The following KCNAB1 variants were observed in gnomAD, a reference collection of about 807,000 sequenced individuals.
KCNAB1 encodes potassium voltage-gated channel subfamily A regulatory beta subunit 1, also known as voltage-gated potassium channel subunit beta-1.
KCNAB1 carries 35 observed loss-of-function variants against 64.6 expected under a neutral mutation model. The ratio of observed to expected loss-of-function variants is 0.54; its 90% CI spans 0.41 to 0.72. KCNAB1 has a LOEUF of 0.72. Ranked by LOEUF, KCNAB1 falls within the 30% of genes least tolerant of loss-of-function variation. The pLI, the probability that KCNAB1 is intolerant of heterozygous loss-of-function variation, is 0.00. For synonymous variants in KCNAB1, 177 were observed against 183.8 expected, an observed-to-expected ratio of 0.96 and a Z score of 0.30; for missense variants, 401 against 512.9, an observed-to-expected ratio of 0.78 and a Z score of 2.11.
At chr3:156,414,137 A>C (rs1479860569) in intron 1 of KCNAB1, among the ~76,000 whole-genome samples, 1 of 152,248 alleles carries the variant, frequency 6.6e-6, no homozygotes, top group Non-Finnish European at 1.5e-5. Context: ...ATTCACCCAC[A>C]GTAAATGGAA....
chr3:156,306,823 G>A (rs1377890328), intron 1 of KCNAB1, among the ~76,000 whole-genome samples: 1 of 152,184 alleles, frequency 6.6e-6, no homozygotes, highest in Non-Finnish European at 1.5e-5. Context: ...CAGCAGAACT[G>A]AGGACCATGT....
At position 156,228,242 on chromosome 3, in the gene KCNAB1, A is replaced by G. The variant is rs561622822; in HGVS notation, c.275+107356A>G. ...TCAGATAGTGCACAGTCTTCAGATG[A>G]AGGGGAGAGGAGAAAAGAAGCAAGT... On this transcript the variant is annotated intron_variant, in intron 1 of 13. Coordinates refer to ENST00000490337, the MANE Select transcript of KCNAB1 (RefSeq NM_172160.3). 2.6e-5 allele frequency among the ~76,000 whole-genome samples: 4 copies of G among 152,258 alleles called. No individual in the cohort carries two copies. The East Asian group carries it at 7.7e-4, about 29-fold the overall frequency.
chr3:156,535,770 G>C (rs562915067), intron 13 of KCNAB1, among the ~76,000 whole-genome samples: 1 of 149,822 alleles, frequency 6.7e-6, no homozygotes, highest in South Asian at 2.1e-4. Flanking sequence ...AGGCCCTATT[G>C]CCTGGCTTGG....
At chr3:156,501,618 G>T (rs993806102) in intron 8 of KCNAB1, among the ~76,000 whole-genome samples, 1 of 151,764 alleles carries the variant, frequency 6.6e-6, no homozygotes, top group Non-Finnish European at 1.5e-5. Flanking sequence ...TTTTAGTAGA[G>T]ACGGGGTTTC....
chr3:156,130,783 C>T (rs888074612), intron 1 of KCNAB1, among the ~76,000 whole-genome samples: 1 of 152,236 alleles, frequency 6.6e-6, no homozygotes, highest in African/African-American at 2.4e-5. Context: ...GTCTTCCCCT[C>T]CCATTTGAAG....
intron 2 of KCNAB1, among the ~76,000 whole-genome samples, chr3:156,448,611 G>A (rs1165909993): frequency 6.6e-6 from 1 of 152,096 alleles, no homozygotes; most frequent in Admixed American, 6.5e-5. Context: ...CTTTCCCTTG[G>A]CCTTTTTCCA....
intron 1 of KCNAB1, among the ~76,000 whole-genome samples, chr3:156,221,431 G>C (rs989845361): frequency 2.0e-5 from 3 of 152,126 alleles, no homozygotes; most frequent in African/African-American, 7.2e-5. Flanking sequence ...AGAAACCATA[G>C]AAGGGATTGG....
At chr3:156,354,363 G>A (rs981427445) in intron 1 of KCNAB1, among the ~76,000 whole-genome samples, 14 of 151,222 alleles carry the variant, frequency 9.3e-5, no homozygotes, top group South Asian at 2.1e-4. Context: ...GTTTCTCCAC[G>A]TTGGTCAGGC....
intron 3 of KCNAB1, among the ~76,000 whole-genome samples, chr3:156,455,026 G>C (rs996917377): frequency 4.6e-5 from 7 of 152,162 alleles, no homozygotes; most frequent in Non-Finnish European, 1.0e-4. Context: ...CAGGAAAATA[G>C]CTATTGTACT....
chr3:156,134,201 A>G (rs912490444), intron 1 of KCNAB1, among the ~76,000 whole-genome samples: 3 of 152,250 alleles, frequency 2.0e-5, no homozygotes, highest in African/African-American at 7.2e-5. Flanking sequence ...CTCAGGGGCT[A>G]TTAAAGCATA....
At chr3:156,357,159 G>GCGCACACACACACACACACACACACACA (rs545909634) in intron 1 of KCNAB1, among the ~76,000 whole-genome samples, 2 of 147,314 alleles carry the variant, frequency 1.4e-5, no homozygotes, top group African/African-American at 5.0e-5. Flanking sequence ...ACATGTGCGC[G>GCGCACACACACACACACACACACACACA]CACACACACA....
intron 1 of KCNAB1, chr3:156,292,082 A>G (rs760368896): frequency 1.2e-6 from 2 of 1,614,020 alleles, no homozygotes; most frequent in East Asian, 4.5e-5. Flanking sequence ...TCAGCATCAC[A>G]TTTCTCTCAA....
chr3:156,135,305 CT>C lies in KCNAB1; in HGVS notation c.275+14427del, dbSNP rs921699087. On this transcript the variant is annotated intron_variant, in intron 1 of 13. Coordinates refer to ENST00000490337, the MANE Select transcript of KCNAB1 (RefSeq NM_172160.3). The stretch of plus-strand genomic sequence containing the variant: ...CGCCACTGCACCCAGCCTGGTTTAG[CT>C]TTTTTTTCCCCCATTTTTTTTCCCC... Among the ~76,000 whole-genome samples, 38 of 151,920 alleles carry C rather than the reference CT, an allele frequency of 2.5e-4. 1 individual carries two copies. The highest frequency in any genetic ancestry group is 3.8e-4 in the Non-Finnish European group (26 of 67,910).
intron 6 of KCNAB1, 83 bp from the exon 7 acceptor site, chr3:156,465,560 A>C: frequency 7.7e-7 from 1 of 1,303,112 alleles, no homozygotes; most frequent in Non-Finnish European, 1.1e-6. Context: ...ACAGGGTGCA[A>C]AATTAGCAAT....
intron 1 of KCNAB1, among the ~76,000 whole-genome samples, chr3:156,370,543 G>T (rs1463382087): frequency 6.6e-6 from 1 of 152,192 alleles, no homozygotes; most frequent in South Asian, 2.1e-4. Context: ...TTCTGATGTG[G>T]CATTTGTTCA....
rs1179985106 is a variant in KCNAB1 at position 156,335,650 on chromosome 3, T to G, written c.276-85966T>G. ...TAGGATTTCCAGACTCTGGAACATA[T>G]CATTTTCAACTAACACTGAGATACC... is the stretch of plus-strand genomic sequence containing the variant. On this transcript the variant is annotated intron_variant, in intron 1 of 13. Coordinates refer to ENST00000490337, the MANE Select transcript of KCNAB1 (RefSeq NM_172160.3). Among the ~76,000 whole-genome samples, 5 of 152,246 alleles carry G rather than the reference T, an allele frequency of 3.3e-5. No individual in the cohort carries two copies. The South Asian group carries it at 1.0e-3, about 31-fold the overall frequency.
chr3:156,246,473 C>T (rs143256691), intron 1 of KCNAB1, among the ~76,000 whole-genome samples: 2 of 152,144 alleles, frequency 1.3e-5, no homozygotes, highest in African/African-American at 4.8e-5. Flanking sequence ...TGTGGTGGCG[C>T]ATGCCTGTAA....
At chr3:156,229,824 A>C (rs1255475285) in intron 1 of KCNAB1, among the ~76,000 whole-genome samples, 1 of 152,204 alleles carries the variant, frequency 6.6e-6, no homozygotes, top group Non-Finnish European at 1.5e-5. Flanking sequence ...TTTGGGTAGC[A>C]AGATATTGCC....
At chr3:156,330,759 C>T (rs1293717321) in intron 1 of KCNAB1, among the ~76,000 whole-genome samples, 1 of 152,060 alleles carries the variant, frequency 6.6e-6, no homozygotes, top group African/African-American at 2.4e-5. Flanking sequence ...TTCTGTGGTC[C>T]CTGAGCCTTT....
Sources: allele counts gnomAD v4.1 joint callset (sites outside exome capture counted in the v4.1 genomes callset), GRCh38; gene constraint gnomAD v4.1.1; transcripts MANE v1.5; gene names NCBI Gene and HGNC (gene_info 2026-07-23, HGNC 2026-07-21).